KIAA1549L: variants seen among roughly 807,000 people sequenced by gnomAD.
KIAA1549L encodes the protein UPF0606 protein KIAA1549L.
A neutral mutation model predicts 160.7 loss-of-function variants in KIAA1549L; 88 were observed. That is an observed-to-expected ratio of 0.55 (90% CI 0.46 to 0.65). The LOEUF (loss-of-function observed/expected upper bound fraction) is 0.65. KIAA1549L is among the 30% of genes least tolerant of loss of function. The pLI, the probability that KIAA1549L is intolerant of heterozygous loss-of-function variation, is 0.00. For synonymous variants in KIAA1549L, 950 were observed against 976.7 expected, an observed-to-expected ratio of 0.97 and a Z score of 0.51; for missense variants, 2,258 against 2,437.5, an observed-to-expected ratio of 0.93 and a Z score of 1.55.
chr11:33,596,464 C>T (rs1012643749), intron 12 of KIAA1549L, among the ~76,000 whole-genome samples: 15 of 152,210 alleles, frequency 9.9e-5, no homozygotes, highest in South Asian at 4.2e-4. Flanking sequence ...AGGCCAGGCT[C>T]GGTGGCTCAT....
At chr11:33,556,206 G>A (rs1466865382) in intron 6 of KIAA1549L, among the ~76,000 whole-genome samples, 1 of 152,214 alleles carries the variant, frequency 6.6e-6, no homozygotes, top group African/African-American at 2.4e-5. Flanking sequence ...TGCATTGCTA[G>A]TGGGAATGTC....
intron 1 of KIAA1549L, among the ~76,000 whole-genome samples, chr11:33,399,136 A>G (rs1850447263): frequency 6.6e-6 from 1 of 152,074 alleles, no homozygotes; most frequent in South Asian, 2.1e-4. Flanking sequence ...TATTTTTAGT[A>G]GAGACAGGGT....
intron 1 of KIAA1549L, among the ~76,000 whole-genome samples, chr11:33,518,603 A>G (rs1302176001): frequency 6.6e-6 from 1 of 152,200 alleles, no homozygotes; most frequent in Non-Finnish European, 1.5e-5. Flanking sequence ...CCTAAGAACT[A>G]TGTCATACTG....
chr11:33,612,788 G>A (rs1009470755), intron 15 of KIAA1549L, among the ~76,000 whole-genome samples: 6 of 152,006 alleles, frequency 3.9e-5, no homozygotes, highest in African/African-American at 1.2e-4. Flanking sequence ...CCCCAGTGTC[G>A]GTTGTTCCAT....
intron 3 of KIAA1549L, among the ~76,000 whole-genome samples, chr11:33,546,343 C>T (rs1854260572): frequency 6.6e-6 from 1 of 152,180 alleles, no homozygotes; most frequent in Admixed American, 6.5e-5. Flanking sequence ...GTCCCTGCTC[C>T]ATTCCACTCT....
chr11:33,655,777 G>A lies in KIAA1549L; in HGVS notation c.5761-235G>A, dbSNP rs550819927. On this transcript the variant is annotated intron_variant, in intron 17 of 20. Coordinates refer to ENST00000658780, the MANE Select transcript of KIAA1549L (RefSeq NM_012194.3). Reference sequence around the variant, plus strand: ...AGCCCAAGGTGAGACAGAACTTGGCGTGTTCTGAGAATGGTTGGAGGGCCC... The same window carrying A: ...AGCCCAAGGTGAGACAGAACTTGGCATGTTCTGAGAATGGTTGGAGGGCCC... Among the ~76,000 whole-genome samples the A allele has an allele frequency of 7.9e-5, 12 of 152,336 alleles. No homozygotes were observed. The South Asian group carries it at 1.9e-3, about 24-fold the overall frequency.
rs761358417 is a variant in KIAA1549L, at chr11:33,552,653, A to AAC, written c.3855+462_3855+463dup. Reference sequence around the variant, plus strand: ...AGTTGCCTTAGTTTAGACACATGCCAACACACACACACACACACACACACA... The same window carrying AAC: ...AGTTGCCTTAGTTTAGACACATGCCAACACACACACACACACACACACACACA... On this transcript the variant is annotated intron_variant, in intron 6 of 20. Coordinates refer to ENST00000658780, the MANE Select transcript of KIAA1549L (RefSeq NM_012194.3). Among the ~76,000 whole-genome samples the AAC allele has an allele frequency of 4.0e-3, 532 of 131,508 alleles. 3 individuals carry two copies. Among genetic ancestry groups the AAC allele is most frequent in the Admixed American group, 5.7e-3 (75 of 13,190 alleles). The allele number at this position is 131,508 out of a possible 152,430, so 86.3% of individuals were successfully genotyped here.
At chr11:33,486,721 A>G (rs1327604340) in intron 1 of KIAA1549L, among the ~76,000 whole-genome samples, 2 of 152,106 alleles carry the variant, frequency 1.3e-5, no homozygotes, top group African/African-American at 4.8e-5. Context: ...CTCTTAACAT[A>G]TTTCAAATGT....
chr11:33,494,608 A>G (rs1343443739), intron 1 of KIAA1549L, among the ~76,000 whole-genome samples: 2 of 152,212 alleles, frequency 1.3e-5, no homozygotes, highest in Admixed American at 6.5e-5. Context: ...AAGAGTTTCC[A>G]AGTGCCTTAG....
chr11:33,603,135 A>G (rs989591170), intron 13 of KIAA1549L, among the ~76,000 whole-genome samples: 2 of 152,048 alleles, frequency 1.3e-5, no homozygotes, highest in African/African-American at 4.8e-5. Flanking sequence ...TCCTTTTCCA[A>G]GTCAGGGAAA....
intron 1 of KIAA1549L, among the ~76,000 whole-genome samples, chr11:33,386,878 G>C (rs1415948438): frequency 1.3e-5 from 2 of 152,128 alleles, no homozygotes; most frequent in Non-Finnish European, 2.9e-5. Flanking sequence ...AGCCCAAGGA[G>C]GGTGGATCAC....
chr11:33,583,988 T>C (rs535055565), intron 11 of KIAA1549L, among the ~76,000 whole-genome samples: 95 of 152,214 alleles, frequency 6.2e-4, no homozygotes, highest in Admixed American at 3.1e-3. Flanking sequence ...CCCAATATGA[T>C]GGTATTAGGA....
intron 1 of KIAA1549L, among the ~76,000 whole-genome samples, chr11:33,478,324 C>G (rs1405484045): frequency 6.6e-6 from 1 of 152,244 alleles, no homozygotes; most frequent in Non-Finnish European, 1.5e-5. Flanking sequence ...GCAAGCCCCC[C>G]AGACGGGCAA....
intron 13 of KIAA1549L, among the ~76,000 whole-genome samples, chr11:33,601,883 C>T (rs562395038): frequency 1.3e-5 from 2 of 152,280 alleles, no homozygotes; most frequent in South Asian, 4.1e-4. Flanking sequence ...ATTTTAGAGT[C>T]TGTTTCATAA....
At chr11:33,435,961 TA>T (rs35891099) in intron 1 of KIAA1549L, among the ~76,000 whole-genome samples, 1,348 of 116,126 alleles carry the variant, frequency 0.012, 25 homozygotes, top group African/African-American at 0.038. Context: ...CTAAAATATC[TA>T]AAAAAAAAAA....
chr11:33,614,259 C>A (rs962108259), intron 15 of KIAA1549L, among the ~76,000 whole-genome samples: 1 of 151,886 alleles, frequency 6.6e-6, no homozygotes, highest in Non-Finnish European at 1.5e-5. Flanking sequence ...ACTGTCCTCC[C>A]CAGGCTAGTA....
At chr11:33,554,055 C>T (rs1179826797) in intron 6 of KIAA1549L, among the ~76,000 whole-genome samples, 3 of 152,076 alleles carry the variant, frequency 2.0e-5, no homozygotes, top group East Asian at 1.9e-4. Context: ...ATTTTTGCCT[C>T]GGCTGACAGG....
At chr11:33,405,715 A>G (rs908612534) in intron 1 of KIAA1549L, among the ~76,000 whole-genome samples, 4 of 151,398 alleles carry the variant, frequency 2.6e-5, no homozygotes, top group Admixed American at 6.6e-5. Flanking sequence ...GGTGGCGGGC[A>G]CCTGTAGTCC....
At chr11:33,591,199 G>C in intron 11 of KIAA1549L, 38 bp from the exon 12 acceptor site, 1 of 1,522,970 alleles carries the variant, frequency 6.6e-7, no homozygotes, top group Non-Finnish European at 9.0e-7. Flanking sequence ...GTCACACTTC[G>C]CTAGAAATAC....
Sources: gnomAD v4.1 joint callset for allele counts (sites outside exome capture counted in the v4.1 genomes callset) on GRCh38, gnomAD v4.1.1 for gene constraint, MANE v1.5 for transcripts, NCBI Gene and HGNC (gene_info 2026-07-23, HGNC 2026-07-21) for gene names.